Variants in NRG2 observed in about 807,000 individuals in gnomAD.
The protein encoded by NRG2 is pro-neuregulin-2, membrane-bound isoform.
In NRG2, 27 loss-of-function variants were observed where a neutral mutation model predicts 73.9. The observed-to-expected ratio is 0.37, with a 90% CI of 0.27 to 0.50. NRG2 has a LOEUF of 0.50. Ranked by LOEUF, NRG2 falls within the 20% of genes least tolerant of loss-of-function variation. The probability of loss-of-function intolerance (pLI) is 0.96; values close to 1 mark genes in which losing one functional copy is unlikely to be tolerated. For missense variants in NRG2, 1,126 were observed against 1,210.1 expected (o/e 0.93, Z 1.03); for synonymous variants, 532 against 541.0 (o/e 0.98, Z 0.23).
At chr5:139,875,610 A>T (rs1763125375) in intron 3 of NRG2, among the ~76,000 whole-genome samples, 1 of 152,206 alleles carries the variant, frequency 6.6e-6, no homozygotes, top group Admixed American at 6.5e-5. Context: ...CAAAAAGGTC[A>T]TTAGGGGAAT....
Position 139,882,722 on chromosome 5 carries a change from T to C in NRG2, c.873-1748A>G, listed in dbSNP as rs111750635. ...GAGGGTCCGGGGGTGGGGGTGTTGA[T>C]GCACAGGGGACTCAGAGCCAGATTC... is the stretch of plus-strand genomic sequence containing the variant. On this transcript the variant is annotated intron_variant, in intron 2 of 9. Transcript: ENST00000361474. 7.7e-4 allele frequency among the ~76,000 whole-genome samples: 117 copies of C among 152,176 alleles called. 1 individual carries two copies. Among genetic ancestry groups the C allele is most frequent in the African/African-American group, 2.6e-3 (110 of 41,510 alleles).
intron 1 of NRG2, among the ~76,000 whole-genome samples, chr5:139,923,008 T>C (rs1751787670): frequency 6.6e-6 from 1 of 152,194 alleles, no homozygotes; most frequent in Non-Finnish European, 1.5e-5. Context: ...AAATACTCTG[T>C]TTGATACTAT....
At chr5:139,964,357 T>TACAC (rs71574473) in intron 1 of NRG2, among the ~76,000 whole-genome samples, 9,039 of 142,766 alleles carry the variant, frequency 0.063, 292 homozygotes, top group Non-Finnish European at 0.076. Flanking sequence ...GAAATACAGA[T>TACAC]ACACACACAC....
chr5:139,853,072 C>G lies in NRG2; in HGVS notation c.1293-45G>C, dbSNP rs1761570396. ...GTGAGGCTGGCATTCCCCCCACTCGCCAACGATGAACTTCCCTAGCTATCT... is the reference window on the plus strand; with the variant it reads ...GTGAGGCTGGCATTCCCCCCACTCGGCAACGATGAACTTCCCTAGCTATCT... On this transcript the variant is annotated intron_variant, in intron 6 of 9. Coordinates refer to ENST00000361474, the MANE Select transcript of NRG2 (RefSeq NM_004883.3). This position sits in a 1 kb window ranked among gnomAD's most constrained non-coding sequence, Gnocchi z 4.1. The G allele has an allele frequency of 6.2e-7, 1 of 1,609,152 alleles. No individual in the cohort carries two copies. The highest frequency in any genetic ancestry group is 1.3e-5 in the African/African-American group (1 of 74,726).
chr5:139,903,282 C>T (rs7707751), intron 1 of NRG2, among the ~76,000 whole-genome samples: 35,745 of 152,074 alleles, frequency 0.24, 5,180 homozygotes, highest in African/African-American at 0.41. Context: ...GAACGTACTT[C>T]GTTACTTTAA....
intron 1 of NRG2, among the ~76,000 whole-genome samples, chr5:139,934,993 C>T (rs1047759276): frequency 1.3e-5 from 2 of 152,054 alleles, no homozygotes; most frequent in South Asian, 2.1e-4. Flanking sequence ...GGCGAAACCC[C>T]GTCTCTACTA....
At chr5:139,922,860 A>G (rs1418913644) in intron 1 of NRG2, among the ~76,000 whole-genome samples, 2 of 152,342 alleles carry the variant, frequency 1.3e-5, no homozygotes, top group South Asian at 2.1e-4. Context: ...GGAAAAGGCT[A>G]CATACTGTAT....
intron 1 of NRG2, among the ~76,000 whole-genome samples, chr5:140,035,342 T>G (rs1761431955): frequency 1.3e-5 from 2 of 152,180 alleles, no homozygotes; most frequent in South Asian, 4.1e-4. Flanking sequence ...TTGACTCTTC[T>G]CCTCCTCCCA....
chr5:139,947,199 T>C (rs1055414859), intron 1 of NRG2, among the ~76,000 whole-genome samples: 6 of 152,296 alleles, frequency 3.9e-5, no homozygotes, highest in Admixed American at 2.0e-4. Flanking sequence ...TTTTAGAACA[T>C]TTTATCAACC....
At chr5:139,968,834 C>T (rs1165153294) in intron 1 of NRG2, among the ~76,000 whole-genome samples, 1 of 152,262 alleles carries the variant, frequency 6.6e-6, no homozygotes, top group African/African-American at 2.4e-5. Context: ...AGGCAGCAGA[C>T]CTTTCCAAAG....
intron 1 of NRG2, among the ~76,000 whole-genome samples, chr5:139,977,317 G>A (rs1220890798): frequency 2.0e-5 from 3 of 152,082 alleles, no homozygotes; most frequent in African/African-American, 7.2e-5. Flanking sequence ...GCTATAGAGG[G>A]GAATGATTAT....
At chr5:139,862,357 G>T (rs1178150566) in intron 5 of NRG2, among the ~76,000 whole-genome samples, 1 of 152,204 alleles carries the variant, frequency 6.6e-6, no homozygotes, top group Non-Finnish European at 1.5e-5. Context: ...TCACTGGGAA[G>T]CATGGGTTGG....
chr5:139,953,804 A>T (rs1754414363), intron 1 of NRG2, among the ~76,000 whole-genome samples: 2 of 152,200 alleles, frequency 1.3e-5, no homozygotes, highest in African/African-American at 4.8e-5. Context: ...AAAAAACCAC[A>T]TGAGAACCAG....
In NRG2 at chr5:139,965,387, AC is replaced by A. The variant is rs1220829770; in HGVS notation, c.700+76982del. Among the ~76,000 whole-genome samples the A allele has an allele frequency of 3.3e-5, 5 of 152,302 alleles. 1 individual carries two copies. The highest frequency in any genetic ancestry group is 2.0e-4 in the Admixed American group (3 of 15,308). On this transcript the variant is annotated intron_variant, in intron 1 of 9. Coordinates refer to ENST00000361474, the MANE Select transcript of NRG2 (RefSeq NM_004883.3). ...CAGCTGCTCAGAGAAAGCAGCCCAA[AC>A]CAGCACAATTGCCAACAGAGCTTGA...
rs570156671 is a variant in NRG2, at chr5:139,963,217, C to T, written c.701-75706G>A. Among the ~76,000 whole-genome samples the T allele has an allele frequency of 3.3e-5, 5 of 152,352 alleles. No individual in the cohort carries two copies. In the South Asian group the frequency reaches 8.3e-4, roughly 25 times the overall value. ...TAGAAGTCCTCAACATCCCTAAATT[C>T]ACTGAACAACCTGACATGATATATT... On this transcript the variant is annotated intron_variant, in intron 1 of 9. Coordinates refer to ENST00000361474, the MANE Select transcript of NRG2 (RefSeq NM_004883.3).
chr5:139,866,963 T>G (rs1762507060), intron 4 of NRG2, among the ~76,000 whole-genome samples: 1 of 152,218 alleles, frequency 6.6e-6, no homozygotes, highest in African/African-American at 2.4e-5. Flanking sequence ...TACTCAGAGA[T>G]GGGTCTATAT....
chr5:140,019,303 G>T (rs540492601), intron 1 of NRG2, among the ~76,000 whole-genome samples: 3 of 152,312 alleles, frequency 2.0e-5, no homozygotes, highest in Admixed American at 2.0e-4. Flanking sequence ...GGGGGCCTTG[G>T]TCACTCCATA....
chr5:139,895,045 C>T lies in NRG2; in HGVS notation c.701-7534G>A, dbSNP rs150385058. ...AGGAGGAGGAGACAAAACTTGGCAG[C>T]ATGAAGACCAACAGAAATGATTCCT... On this transcript the variant is annotated intron_variant, in intron 1 of 9. Coordinates refer to ENST00000361474, the MANE Select transcript of NRG2 (RefSeq NM_004883.3). Among the ~76,000 whole-genome samples the T allele has an allele frequency of 3.5e-4, 53 of 152,344 alleles. No homozygotes were observed. The South Asian group carries it at 4.8e-3, about 14-fold the overall frequency.
chr5:139,962,124 C>A (rs1755117903), intron 1 of NRG2, among the ~76,000 whole-genome samples: 1 of 152,096 alleles, frequency 6.6e-6, no homozygotes, highest in African/African-American at 2.4e-5. Context: ...CCTTGACTGC[C>A]CCAGCATATT....
Sources: gnomAD v4.1 joint callset for allele counts (sites outside exome capture counted in the v4.1 genomes callset) on GRCh38, gnomAD v4.1.1 for gene constraint, Gnocchi (gnomAD v3.1) non-coding constraint, MANE v1.5 for transcripts, NCBI Gene and HGNC (gene_info 2026-07-23, HGNC 2026-07-21) for gene names.